PDGFRL: variants seen among roughly 807,000 people sequenced by gnomAD.
PDGFRL encodes platelet derived growth factor receptor like, also known as platelet-derived growth factor receptor-like protein.
Under a neutral mutation model 37.2 loss-of-function variants are expected in PDGFRL, and 46 were observed. The ratio of observed to expected loss-of-function variants is 1.24; its 90% CI spans 0.98 to 1.58. The LOEUF (loss-of-function observed/expected upper bound fraction) is 1.58, where lower values mean the gene tolerates loss of function less well. PDGFRL is among the 40% of genes most tolerant of loss of function. The probability of loss-of-function intolerance (pLI) is 0.00; values close to 1 mark genes in which losing one functional copy is unlikely to be tolerated. For synonymous variants in PDGFRL, 251 were observed against 184.3 expected (o/e 1.36, Z -2.93); for missense variants, 692 against 467.6 (o/e 1.48, Z -4.43).
intron 2 of PDGFRL, among the ~76,000 whole-genome samples, chr8:17,600,030 C>G (rs1340450840): frequency 6.6e-6 from 1 of 152,196 alleles, no homozygotes; most frequent in African/African-American, 2.4e-5. Flanking sequence ...CCTTGACCCC[C>G]ATGCACCCTG....
At chr8:17,593,720 C>T (rs1048399466) in intron 2 of PDGFRL, among the ~76,000 whole-genome samples, 1 of 151,748 alleles carries the variant, frequency 6.6e-6, no homozygotes, top group African/African-American at 2.4e-5. Context: ...CACAGCGAAA[C>T]CCCGTCTCTA....
At chr8:17,634,613 A>G (rs1804932356) in intron 5 of PDGFRL, among the ~76,000 whole-genome samples, 1 of 152,164 alleles carries the variant, frequency 6.6e-6, no homozygotes. Flanking sequence ...CATAGTACAT[A>G]TACACCAAAG....
intron 2 of PDGFRL, among the ~76,000 whole-genome samples, chr8:17,615,003 A>G (rs979706371): frequency 6.6e-6 from 1 of 152,192 alleles, no homozygotes; most frequent in East Asian, 1.9e-4. Flanking sequence ...ATGAGGATCA[A>G]ATGAGTCAAA....
chr8:17,588,460 T>A (rs113545582), intron 1 of PDGFRL, among the ~76,000 whole-genome samples: 1 of 151,726 alleles, frequency 6.6e-6, no homozygotes, highest in Non-Finnish European at 1.5e-5. Context: ...GAGGGTTGCT[T>A]GAGGCCAGGA....
chr8:17,626,185 G>T (rs1804730608), intron 3 of PDGFRL, among the ~76,000 whole-genome samples: 1 of 152,172 alleles, frequency 6.6e-6, no homozygotes, highest in African/African-American at 2.4e-5. Flanking sequence ...ATCCACTCCA[G>T]ATTCTTCTCT....
intron 5 of PDGFRL, among the ~76,000 whole-genome samples, chr8:17,636,487 A>G (rs1468813612): frequency 6.6e-6 from 1 of 151,254 alleles, no homozygotes. Flanking sequence ...TTTTTATACC[A>G]GTACCATGCT....
rs948558229 is a variant in PDGFRL at position 17,589,600 on chromosome 8, A to C, written c.188A>C (p.Lys63Thr). Residue 63 changes from lysine to threonine, a missense_variant, in exon 2 of 6, where the codon AAG becomes ACG. By Grantham distance (78) the Lys-to-Thr change is moderately conservative. Transcript: ENST00000251630. ...AGGGACTCAGCCAATTCAGCACCAA[A>C]GACGCAGTCTATCATGATGCAAGTG... is the stretch of plus-strand genomic sequence containing the variant. ...KDRDSANSAPKTQSIMMQVLD... is the reference protein window; with the variant it reads ...KDRDSANSAPTTQSIMMQVLD... 4.3e-6 allele frequency: 7 copies of C among 1,614,074 alleles called. No individual in the cohort carries two copies. Among genetic ancestry groups the C allele is most frequent in the South Asian group, 1.1e-5 (1 of 91,078 alleles).
chr8:17,593,907 A>T (rs1183043436), intron 2 of PDGFRL, among the ~76,000 whole-genome samples: 1 of 152,030 alleles, frequency 6.6e-6, no homozygotes, highest in Non-Finnish European at 1.5e-5. Flanking sequence ...AAAAGAAAAA[A>T]AAAGAAAAAA....
At chr8:17,603,873 G>C (rs181950159) in intron 2 of PDGFRL, among the ~76,000 whole-genome samples, 1 of 152,272 alleles carries the variant, frequency 6.6e-6, no homozygotes, top group African/African-American at 2.4e-5. Flanking sequence ...GGGTAAGGAA[G>C]GGCATAGCAA....
chr8:17,616,420 C>A (rs1222412184), intron 2 of PDGFRL, among the ~76,000 whole-genome samples: 1 of 152,096 alleles, frequency 6.6e-6, no homozygotes, highest in African/African-American at 2.4e-5. Flanking sequence ...GTCTCGATCT[C>A]TTGACGTCGT....
rs894376747 is a variant in PDGFRL at position 17,604,436 on chromosome 8, G to A, written c.353+14671G>A. Among the ~76,000 whole-genome samples, 7 of 152,138 alleles carry A rather than the reference G, an allele frequency of 4.6e-5. No individual in the cohort carries two copies. In the East Asian group the frequency reaches 1.3e-3, roughly 29 times the overall value. ...AATGATGAGTTCATGTCCTTTGTAG[G>A]GACATGGATGAAGCTGGAAACCATC... On this transcript the variant is annotated intron_variant, in intron 2 of 5. Coordinates refer to ENST00000251630, the MANE Select transcript of PDGFRL (RefSeq NM_001372073.1).
chr8:17,607,258 C>G (rs969080705), intron 2 of PDGFRL, among the ~76,000 whole-genome samples: 6 of 151,854 alleles, frequency 4.0e-5, no homozygotes, highest in Non-Finnish European at 7.4e-5. Flanking sequence ...ACTAATGGTC[C>G]CAAGGTTCTC....
chr8:17,621,145 G>A lies in PDGFRL; in HGVS notation c.448G>A (p.Gly150Ser), dbSNP rs750440858. The A allele has an allele frequency of 9.3e-6, 15 of 1,610,750 alleles. 1 individual carries two copies. Among genetic ancestry groups the A allele is most frequent in the East Asian group, 4.5e-5 (2 of 44,818 alleles). ...EFSCWVQLCS[G>S]YICRKDEAKT... ...CAGCTGCTGGGTGCAGCTCTGCAGC[G>A]GCTACATCTGCAGGAAGGACGAGGC... Residue 150 changes from glycine (G) to serine (S), a missense_variant, in exon 3 of 6, where the codon GGC becomes AGC. By Grantham distance (56) the Gly-to-Ser change is moderately conservative. Transcript: ENST00000251630.
At chr8:17,610,346 G>A (rs2517202) in intron 2 of PDGFRL, among the ~76,000 whole-genome samples, 141,189 of 152,260 alleles carry the variant, frequency 0.93, 66,172 homozygotes, top group East Asian at 1. Context: ...CCATAAATCC[G>A]GAATCCGAAA....
At chr8:17,583,420 A>G (rs905854168) in intron 1 of PDGFRL, among the ~76,000 whole-genome samples, 1 of 152,206 alleles carries the variant, frequency 6.6e-6, no homozygotes, top group East Asian at 1.9e-4. Flanking sequence ...TTGATTTTCC[A>G]GGCTCACAGC....
At position 17,628,655 on chromosome 8, in the gene PDGFRL, A is replaced by G. The variant is rs1325182005; in HGVS notation, c.674A>G (p.Tyr225Cys). The change falls in exon 4 of 6, where the codon TAT becomes TGT. Residue 225 changes from tyrosine to cysteine, a missense_variant. Transcript: ENST00000251630. ...CCAGCCAATGGAACGGACATTGTTT[A>G]TGACATGAAGCGGGGCTTTGTGTAT... is the stretch of plus-strand genomic sequence containing the variant. ...EIPANGTDIV[Y>C]DMKRGFVYLQ... 6.2e-7 allele frequency: 1 copy of G among 1,614,210 alleles called. No homozygotes were observed. Among genetic ancestry groups the G allele is most frequent in the East Asian group, 2.2e-5 (1 of 44,876 alleles).
rs540816126 is a variant in PDGFRL at position 17,627,194 on chromosome 8, G to A, written c.506-1293G>A. On this transcript the variant is annotated intron_variant, in intron 3 of 5. Transcript: ENST00000251630. ...CCCACAAGCAGCAGATGGTTTCAAG[G>A]TTTTACAACTGCTAAGGGTTTAAAA... Among the ~76,000 whole-genome samples the A allele has an allele frequency of 1.2e-4, 18 of 152,266 alleles. No individual in the cohort carries two copies. The South Asian group carries it at 3.5e-3, about 30-fold the overall frequency.
intron 2 of PDGFRL, among the ~76,000 whole-genome samples, chr8:17,620,755 C>G (rs1008598909): frequency 6.6e-6 from 1 of 151,960 alleles, no homozygotes; most frequent in Non-Finnish European, 1.5e-5. Context: ...CATTGTATTA[C>G]GCTGAAAAGC....
intron 1 of PDGFRL, among the ~76,000 whole-genome samples, chr8:17,584,418 G>C (rs1034552837): frequency 6.6e-6 from 1 of 151,008 alleles, no homozygotes; most frequent in Non-Finnish European, 1.5e-5. Context: ...ACAGGAGCTA[G>C]GGCAGCTTTC....
Sources: allele counts gnomAD v4.1 joint callset (sites outside exome capture counted in the v4.1 genomes callset), GRCh38; gene constraint gnomAD v4.1.1; transcripts MANE v1.5; gene names NCBI Gene and HGNC (gene_info 2026-07-23, HGNC 2026-07-21).